The following NIPAL2 variants were observed in gnomAD, a reference collection of about 807,000 sequenced individuals.
The protein encoded by NIPAL2 is NIPA-like protein 2.
NIPAL2 carries 43 observed loss-of-function variants against 48.9 expected under a neutral mutation model. The observed-to-expected ratio is 0.88, with a 90% confidence interval of 0.69 to 1.13. NIPAL2 has a LOEUF of 1.13. Ranked by LOEUF, NIPAL2 falls within the 50% of genes most tolerant of loss-of-function variation. The pLI is 0.00. For missense variants in NIPAL2, 446 were observed against 461.4 expected (o/e 0.97, Z 0.31); for synonymous variants, 167 against 174.6 (o/e 0.96, Z 0.34).
In NIPAL2 at chr8:98,269,534, T is replaced by C. The variant is rs370194815; in HGVS notation, c.136-15447A>G. On this transcript the variant is annotated intron_variant, in intron 1 of 10. Transcript: ENST00000430223. ...TCTTTTTCTGAGCAGTAGGTCTCAA[T>C]GGCGGGTTTAAAATATTAAGTAAAC... is the stretch of plus-strand genomic sequence containing the variant. Among the ~76,000 whole-genome samples the C allele has an allele frequency of 4.9e-4, 75 of 152,320 alleles. 1 individual carries two copies. The highest frequency in any genetic ancestry group is 2.2e-3 in the Admixed American group (34 of 15,296).
chr8:98,196,899 C>A (rs1047114891), intron 8 of NIPAL2, among the ~76,000 whole-genome samples: 3 of 152,188 alleles, frequency 2.0e-5, no homozygotes, highest in Admixed American at 6.5e-5. Context: ...GAACTTCTTA[C>A]AGGAAGAAGC....
chr8:98,210,508 A>G (rs1811259944), intron 6 of NIPAL2, among the ~76,000 whole-genome samples: 1 of 152,122 alleles, frequency 6.6e-6, no homozygotes, highest in African/African-American at 2.4e-5. Context: ...GGATTTCTTT[A>G]TGGCCAATTA....
chr8:98,213,416 T>C (rs1251279946), intron 5 of NIPAL2, among the ~76,000 whole-genome samples: 1 of 152,200 alleles, frequency 6.6e-6, no homozygotes, highest in Non-Finnish European at 1.5e-5. Flanking sequence ...GGATGATGCA[T>C]GTAGTAAAAA....
At chr8:98,261,716 C>A (rs1336231799) in intron 1 of NIPAL2, among the ~76,000 whole-genome samples, 2 of 147,906 alleles carry the variant, frequency 1.4e-5, no homozygotes, top group Non-Finnish European at 3.0e-5. Context: ...AGGATATTAT[C>A]CAGGAGAACT....
At chr8:98,210,592 C>A (rs1459291463) in intron 6 of NIPAL2, among the ~76,000 whole-genome samples, 1 of 152,118 alleles carries the variant, frequency 6.6e-6, no homozygotes, top group Non-Finnish European at 1.5e-5. Flanking sequence ...ATTTAGAGTT[C>A]AATATTAGAG....
At chr8:98,259,070 C>CTTTTTTTTTTTTTTT (rs869220202) in intron 1 of NIPAL2, among the ~76,000 whole-genome samples, 3 of 41,868 alleles carry the variant, frequency 7.2e-5, no homozygotes, top group African/African-American at 3.3e-4. Flanking sequence ...TTAAATATTC[C>CTTTTTTTTTTTTTTT]TTTTTTTTTT....
intron 6 of NIPAL2, among the ~76,000 whole-genome samples, chr8:98,207,291 A>C (rs921844157): frequency 6.6e-6 from 1 of 152,242 alleles, no homozygotes; most frequent in Admixed American, 6.5e-5. Flanking sequence ...ATAGCTAAAC[A>C]AACTATCAAT....
At chr8:98,243,193 A>G (rs945591827) in intron 3 of NIPAL2, among the ~76,000 whole-genome samples, 1 of 152,170 alleles carries the variant, frequency 6.6e-6, no homozygotes, top group Non-Finnish European at 1.5e-5. Context: ...TTCAGCAGCA[A>G]TTGCTGACTG....
chr8:98,294,170 C>T lies in NIPAL2; in HGVS notation c.-33G>A, dbSNP rs954139661. 10 of 1,318,504 alleles carry T rather than the reference C, an allele frequency of 7.6e-6. No individual in the cohort carries two copies. The highest frequency in any genetic ancestry group is 8.7e-6 in the Non-Finnish European group (9 of 1,035,792). The allele number at this position is 1,318,504 out of a possible 1,614,324, so 81.7% of individuals were successfully genotyped here. On this transcript the variant is annotated 5_prime_UTR_variant, in exon 1 of 11. Transcript: ENST00000430223. ...CGCTCCCGGCGCTCGGGCTCCGGCTCGGGCTGCGGCCGCCTCCCCGCCCTG... is the reference window on the plus strand; with the variant it reads ...CGCTCCCGGCGCTCGGGCTCCGGCTTGGGCTGCGGCCGCCTCCCCGCCCTG...
intron 3 of NIPAL2, among the ~76,000 whole-genome samples, chr8:98,239,297 G>A (rs1482821972): frequency 2.6e-5 from 4 of 152,156 alleles, no homozygotes; most frequent in Non-Finnish European, 5.9e-5. Flanking sequence ...AGCAGAGCTG[G>A]AACTGGCACT....
chr8:98,258,265 A>G (rs1213451467), intron 1 of NIPAL2, among the ~76,000 whole-genome samples: 1 of 152,228 alleles, frequency 6.6e-6, no homozygotes, highest in East Asian at 1.9e-4. Context: ...TTTAATGGGT[A>G]TAAAGCTGGG....
At position 98,194,681 on chromosome 8, in the gene NIPAL2, C is replaced by A. The variant is rs1282372002; in HGVS notation, c.1039+47G>T. The A allele has an allele frequency of 3.9e-6, 4 of 1,034,026 alleles. No individual in the cohort carries two copies. In the East Asian group the frequency reaches 8.1e-5, roughly 21 times the overall value. The allele number at this position is 1,034,026 out of a possible 1,614,324, so 64.1% of individuals were successfully genotyped here. On this transcript the variant is annotated intron_variant, in intron 10 of 10. Coordinates refer to ENST00000430223, the MANE Select transcript of NIPAL2 (RefSeq NM_001321635.2). ...ACCCAAAATAATACCAATAACTATTCATTTATAAGGATCAAATTTTCCACT... is the reference window on the plus strand; with the variant it reads ...ACCCAAAATAATACCAATAACTATTAATTTATAAGGATCAAATTTTCCACT...
intron 3 of NIPAL2, among the ~76,000 whole-genome samples, chr8:98,248,430 C>A: frequency 6.6e-6 from 1 of 152,210 alleles, no homozygotes; most frequent in Middle Eastern, 3.2e-3. Context: ...TACTATCTAA[C>A]CAATACCAAC....
At chr8:98,203,846 CTG>C (rs143170810) in intron 7 of NIPAL2, among the ~76,000 whole-genome samples, 9,521 of 146,310 alleles carry the variant, frequency 0.065, 308 homozygotes, top group Middle Eastern at 0.1. Context: ...TGGGTAGAGC[CTG>C]TGTGTGTGTG....
At chr8:98,288,179 A>ATC (rs1459665635) in intron 1 of NIPAL2, among the ~76,000 whole-genome samples, 1 of 146,752 alleles carries the variant, frequency 6.8e-6, no homozygotes, top group East Asian at 2.1e-4. Context: ...TCCCAATGCT[A>ATC]TCCTTCTCCC....
At chr8:98,268,038 G>T (rs188688172) in intron 1 of NIPAL2, among the ~76,000 whole-genome samples, 94 of 152,310 alleles carry the variant, frequency 6.2e-4, no homozygotes, top group Middle Eastern at 6.8e-3. Context: ...AATTAACAGA[G>T]GTAGAGCAAC....
chr8:98,262,083 G>C (rs1474724246), intron 1 of NIPAL2, among the ~76,000 whole-genome samples: 1 of 140,658 alleles, frequency 7.1e-6, no homozygotes, highest in Admixed American at 7.2e-5. Flanking sequence ...AATGCTGAGA[G>C]ATTTTGTCAC....
At chr8:98,280,753 T>TAGAG (rs1270897782) in intron 1 of NIPAL2, among the ~76,000 whole-genome samples, 4 of 38,116 alleles carry the variant, frequency 1.0e-4, no homozygotes, top group Admixed American at 3.3e-4. Context: ...TATATATATA[T>TAGAG]ATATATATAG....
In NIPAL2 at chr8:98,270,743, G is replaced by T. The variant is rs183642001; in HGVS notation, c.136-16656C>A. ...AATTTTTATTTTTGTTGCAATTGCT[G>T]TTGAGGACTCAGTCAAAATTCTTTG... On this transcript the variant is annotated intron_variant, in intron 1 of 10. Transcript: ENST00000430223. Among the ~76,000 whole-genome samples the T allele has an allele frequency of 3.2e-3, 487 of 151,916 alleles. 1 individual carries two copies. The highest frequency in any genetic ancestry group is 0.011 in the African/African-American group (454 of 41,326).
Sources: allele counts gnomAD v4.1 joint callset (sites outside exome capture counted in the v4.1 genomes callset), GRCh38; gene constraint gnomAD v4.1.1; transcripts MANE v1.5; gene names NCBI Gene and HGNC (gene_info 2026-07-23, HGNC 2026-07-21).